The following CELF2 variants were observed in gnomAD, a reference collection of about 807,000 sequenced individuals.
CELF2 encodes the protein CUGBP Elav-like family member 2, also known as CUG triplet repeat RNA-binding protein 2.
A neutral mutation model predicts 62.6 loss-of-function variants in CELF2; 8 were observed. The ratio of observed to expected loss-of-function variants is 0.13; its 90% CI spans 0.07 to 0.23. The LOEUF (loss-of-function observed/expected upper bound fraction) is 0.23, where lower values mean the gene tolerates loss of function less well. CELF2 is among the 10% of genes least tolerant of loss of function. CELF2 has a pLI of 1.00. For missense variants in CELF2, 333 were observed against 671.0 expected (o/e 0.50, Z 5.56); for synonymous variants, 258 against 250.0 (o/e 1.03, Z -0.30).
intron 11 of CELF2, among the ~76,000 whole-genome samples, chr10:11,322,298 A>C (rs1157250875): frequency 1.3e-5 from 2 of 152,242 alleles, no homozygotes; most frequent in Non-Finnish European, 2.9e-5. Flanking sequence ...AGGGAAAGCA[A>C]GTAAGTGATC....
intron 1 of CELF2, among the ~76,000 whole-genome samples, chr10:11,077,560 G>A (rs1013436157): frequency 6.6e-6 from 1 of 152,108 alleles, no homozygotes; most frequent in Non-Finnish European, 1.5e-5. Flanking sequence ...TTGTCTTCTG[G>A]AAAATGATGC....
At position 11,280,985 on chromosome 10, in the gene CELF2, TGTGC is replaced by T. The variant is rs202098599; in HGVS notation, c.841+5869_841+5872del. Among the ~76,000 whole-genome samples, 1,351 of 138,866 alleles carry T rather than the reference TGTGC, an allele frequency of 9.7e-3. 7 individuals are homozygous for T. The highest frequency in any genetic ancestry group is 0.013 in the Non-Finnish European group (849 of 65,486). 91.1% of individuals were successfully genotyped at this position (138,866 alleles called of 152,430 possible). A position where few individuals can be genotyped will look rare whatever the true frequency, so the allele number is the denominator to read the frequency against. On this transcript the variant is annotated intron_variant, in intron 8 of 12. Coordinates refer to ENST00000633077, the MANE Select transcript of CELF2 (RefSeq NM_001326342.2). The surrounding 1 kb of genome is among the most constrained non-coding windows in gnomAD (Gnocchi z 7.6). ...ATGCTGGCGTGCGTGTGCATGCCTG[TGTGC>T]GTGTGTGTGTGTGTGTGTGTGTGTG...
the CELF2 span, among the ~76,000 whole-genome samples, chr10:10,757,675 A>T: frequency 1.2e-4 from 19 of 152,306 alleles, no homozygotes; most frequent in African/African-American, 3.1e-4. Flanking sequence ...AAAATATAAG[A>T]ATAAGCTACT....
chr10:10,672,516 C>G, the CELF2 span, among the ~76,000 whole-genome samples: 2 of 147,788 alleles, frequency 1.4e-5, no homozygotes, highest in African/African-American at 5.0e-5. Flanking sequence ...ATTGCATATG[C>G]ATGTCTAGTT....
At chr10:10,919,654 T>C (rs1248781353) in intron 1 of CELF2, among the ~76,000 whole-genome samples, 2 of 152,234 alleles carry the variant, frequency 1.3e-5, no homozygotes, top group African/African-American at 2.4e-5. Context: ...GATTTGTTTC[T>C]CTTTCTATTA....
At chr10:10,950,306 G>T (rs1470821041) in intron 2 of CELF2, among the ~76,000 whole-genome samples, 1 of 152,070 alleles carries the variant, frequency 6.6e-6, no homozygotes, top group East Asian at 1.9e-4. Context: ...GCAGGTGAGA[G>T]AATGGCCACT....
At chr10:11,235,737 A>G (rs1390265410) in intron 3 of CELF2, among the ~76,000 whole-genome samples, 2 of 152,008 alleles carry the variant, frequency 1.3e-5, no homozygotes, top group African/African-American at 2.4e-5. Flanking sequence ...CATTTTAAAC[A>G]TGGGTAATAA....
At chr10:11,104,630 C>T (rs751579711) in intron 1 of CELF2, among the ~76,000 whole-genome samples, 13 of 150,964 alleles carry the variant, frequency 8.6e-5, no homozygotes, top group Non-Finnish European at 5.9e-5. Flanking sequence ...TGCCCTAAGA[C>T]GTGATTGTGC....
At chr10:10,552,139 G>C in the CELF2 span, among the ~76,000 whole-genome samples, 1 of 152,142 alleles carries the variant, frequency 6.6e-6, no homozygotes. Context: ...TGTTCTTGTT[G>C]ATCAGTGCAA....
the CELF2 span, among the ~76,000 whole-genome samples, chr10:10,538,464 C>T: frequency 2.0e-5 from 3 of 152,256 alleles, no homozygotes; most frequent in East Asian, 5.8e-4. Context: ...ACTCCCTATG[C>T]TTGATCTCAA....
chr10:10,981,693 C>A (rs2052127477), intron 2 of CELF2, among the ~76,000 whole-genome samples: 2 of 152,212 alleles, frequency 1.3e-5, no homozygotes, highest in African/African-American at 4.8e-5. Flanking sequence ...CTGTTGAGAA[C>A]CTATAGAAAT....
the CELF2 span, among the ~76,000 whole-genome samples, chr10:10,559,333 C>T: frequency 1.3e-5 from 2 of 152,188 alleles, no homozygotes; most frequent in Admixed American, 6.5e-5. Flanking sequence ...GAATCTCATA[C>T]TCATTAGCCA....
chr10:10,742,513 C>G, the CELF2 span, among the ~76,000 whole-genome samples: 2 of 150,896 alleles, frequency 1.3e-5, no homozygotes, highest in Non-Finnish European at 2.9e-5. Context: ...CTGGTGGTCC[C>G]AGCTGCTCAG....
In CELF2 at chr10:11,305,082, A is replaced by G. The variant is rs2094099566; in HGVS notation, c.977-9057A>G. On this transcript the variant is annotated intron_variant, in intron 9 of 12. Coordinates refer to ENST00000633077, the MANE Select transcript of CELF2 (RefSeq NM_001326342.2). The surrounding 1 kb of genome is among the most constrained non-coding windows in gnomAD (Gnocchi z 4.8). ...GGTGCCCCTCCTCCAGCCCTGGCCC[A>G]GTGGATACAGGTCCTTCCCAGTTCT... Among the ~76,000 whole-genome samples the G allele has an allele frequency of 6.6e-6, 1 of 152,144 alleles. No individual in the cohort carries two copies. The highest frequency in any genetic ancestry group is 6.5e-5 in the Admixed American group (1 of 15,272).
chr10:11,257,550 C>T (rs1260525998), intron 4 of CELF2, 188 bp from the exon 5 acceptor site: 3 of 572,598 alleles, frequency 5.2e-6, no homozygotes, highest in Non-Finnish European at 9.4e-6. Flanking sequence ...TCAGGAAGCA[C>T]CAGGTGGGAG....
At chr10:10,748,581 T>C in the CELF2 span, among the ~76,000 whole-genome samples, 2 of 151,572 alleles carry the variant, frequency 1.3e-5, no homozygotes, top group Admixed American at 6.6e-5. Context: ...ACCCTGTCTC[T>C]ACTAAAAATA....
intron 5 of CELF2, among the ~76,000 whole-genome samples, chr10:11,263,152 A>G (rs2081222865): frequency 6.6e-6 from 1 of 151,870 alleles, no homozygotes; most frequent in Non-Finnish European, 1.5e-5. Context: ...TACTTTCAGA[A>G]ACCTTTCCCC....
upstream of CELF2, among the ~76,000 whole-genome samples, chr10:11,015,472 T>C (rs923872393): frequency 6.6e-6 from 1 of 152,238 alleles, no homozygotes; most frequent in African/African-American, 2.4e-5. This position sits in a 1 kb window ranked among gnomAD's most constrained non-coding sequence, Gnocchi z 4.8. Flanking sequence ...CAAGTGCCTA[T>C]GCAATCACTA....
intron 2 of CELF2, among the ~76,000 whole-genome samples, chr10:10,969,448 A>C (rs1018232815): frequency 6.6e-6 from 1 of 152,232 alleles, no homozygotes; most frequent in Non-Finnish European, 1.5e-5. Flanking sequence ...TTAGCCCTTA[A>C]GTAGATTAAT....
Sources: allele counts gnomAD v4.1 joint callset (sites outside exome capture counted in the v4.1 genomes callset), GRCh38; gene constraint gnomAD v4.1.1; non-coding constraint Gnocchi (gnomAD v3.1); transcripts MANE v1.5; gene names NCBI Gene and HGNC (gene_info 2026-07-23, HGNC 2026-07-21).